The following SYN3 variants were observed in gnomAD, a reference collection of about 807,000 sequenced individuals.
SYN3 encodes the protein synapsin III, also known as synapsin-3.
In SYN3, 35 loss-of-function variants were observed where a neutral mutation model predicts 65.8. The ratio of observed to expected loss-of-function variants is 0.53; its 90% CI spans 0.41 to 0.70. SYN3 has a LOEUF of 0.70. SYN3 is among the 30% of genes least tolerant of loss of function. The probability of loss-of-function intolerance (pLI) is 0.00; values close to 1 mark genes in which losing one functional copy is unlikely to be tolerated. For synonymous variants in SYN3, 270 were observed against 292.9 expected (o/e 0.92, Z 0.80); for missense variants, 680 against 749.0 (o/e 0.91, Z 1.08).
At chr22:32,630,377 AC>A (rs1174500998) in intron 6 of SYN3, among the ~76,000 whole-genome samples, 7 of 152,170 alleles carry the variant, frequency 4.6e-5, no homozygotes, top group African/African-American at 1.4e-4. Context: ...CTGAGGCTAC[AC>A]GTATGTCCCA....
chr22:32,568,507 G>A (rs894294702), intron 7 of SYN3, among the ~76,000 whole-genome samples: 8 of 152,190 alleles, frequency 5.3e-5, no homozygotes, highest in Non-Finnish European at 7.3e-5. Context: ...GGACAGAAAC[G>A]TATTTCTTAC....
At chr22:32,769,870 C>T (rs942352841) in intron 6 of SYN3, among the ~76,000 whole-genome samples, 1 of 152,168 alleles carries the variant, frequency 6.6e-6, no homozygotes, top group Non-Finnish European at 1.5e-5. Flanking sequence ...TCTCTCTCCA[C>T]ACTCCCTCCC....
chr22:32,557,014 C>T (rs995406282), intron 7 of SYN3, among the ~76,000 whole-genome samples: 1 of 151,990 alleles, frequency 6.6e-6, no homozygotes, highest in Non-Finnish European at 1.5e-5. Context: ...AAGGATATCA[C>T]ACTTTTTAAG....
At chr22:32,821,122 G>A (rs960413731) in intron 6 of SYN3, among the ~76,000 whole-genome samples, 2 of 152,130 alleles carry the variant, frequency 1.3e-5, no homozygotes, top group African/African-American at 4.8e-5. Context: ...AGACAGTGGA[G>A]GATGTCAAAA....
At chr22:32,782,267 C>T (rs1411452334) in intron 6 of SYN3, among the ~76,000 whole-genome samples, 2 of 152,052 alleles carry the variant, frequency 1.3e-5, no homozygotes, top group Non-Finnish European at 2.9e-5. Flanking sequence ...GGGGTTTTAC[C>T]ATGTTGGTCA....
chr22:32,703,749 TC>T (rs2060842172), intron 6 of SYN3, among the ~76,000 whole-genome samples: 1 of 152,076 alleles, frequency 6.6e-6, no homozygotes, highest in African/African-American at 2.4e-5. Flanking sequence ...TTTCATAATG[TC>T]CTTAAATGCA....
At chr22:32,597,952 T>C (rs1464921492) in intron 6 of SYN3, among the ~76,000 whole-genome samples, 1 of 152,226 alleles carries the variant, frequency 6.6e-6, no homozygotes, top group African/African-American at 2.4e-5. Flanking sequence ...AGGCCTGAGC[T>C]TTGCTTTCCC....
chr22:32,949,644 G>C (rs1375683574), intron 3 of SYN3, among the ~76,000 whole-genome samples: 1 of 152,142 alleles, frequency 6.6e-6, no homozygotes, highest in African/African-American at 2.4e-5. Context: ...ACTGGCACCT[G>C]ACAAGAAGGT....
intron 6 of SYN3, among the ~76,000 whole-genome samples, chr22:32,720,517 C>T (rs1007818392): frequency 6.6e-6 from 1 of 152,222 alleles, no homozygotes; most frequent in Non-Finnish European, 1.5e-5. Flanking sequence ...CTCAGCCTGC[C>T]TTGCCCCGAA....
chr22:32,855,914 G>A (rs1352320488), intron 6 of SYN3, among the ~76,000 whole-genome samples: 1 of 152,184 alleles, frequency 6.6e-6, no homozygotes, highest in African/African-American at 2.4e-5. Context: ...GTATTTAACA[G>A]TTAAAACTCT....
chr22:32,547,018 G>T (rs555435869), intron 7 of SYN3, among the ~76,000 whole-genome samples: 3 of 151,578 alleles, frequency 2.0e-5, no homozygotes, highest in Non-Finnish European at 4.4e-5. Context: ...TCTCTCTGTC[G>T]CCTAAGCTGG....
At chr22:32,561,034 C>G (rs1370735402) in intron 7 of SYN3, among the ~76,000 whole-genome samples, 1 of 152,178 alleles carries the variant, frequency 6.6e-6, no homozygotes, top group Non-Finnish European at 1.5e-5. Context: ...TTCCCCTCCT[C>G]AGCCCACCCA....
intron 6 of SYN3, among the ~76,000 whole-genome samples, chr22:32,672,722 C>T (rs1473139825): frequency 2.0e-5 from 3 of 152,218 alleles, no homozygotes; most frequent in African/African-American, 7.2e-5. Flanking sequence ...TTTCTCCCTG[C>T]AGCCTGTGAG....
intron 3 of SYN3, among the ~76,000 whole-genome samples, chr22:32,951,283 C>T (rs1338469248): frequency 6.6e-6 from 1 of 152,086 alleles, no homozygotes; most frequent in Non-Finnish European, 1.5e-5. Flanking sequence ...AAAGGGCTTC[C>T]CTGAGCCAGC....
chr22:32,567,261 C>T (rs1468886498), intron 7 of SYN3, among the ~76,000 whole-genome samples: 6 of 151,940 alleles, frequency 3.9e-5, no homozygotes, highest in Admixed American at 1.3e-4. Context: ...GAAGGCCCAT[C>T]GGTGGATTGA....
At chr22:32,881,994 G>A (rs1757403876) in intron 4 of SYN3, among the ~76,000 whole-genome samples, 1 of 151,648 alleles carries the variant, frequency 6.6e-6, no homozygotes, top group Admixed American at 6.6e-5. Flanking sequence ...GGCAGAGGCT[G>A]CAGTGAGCCG....
At chr22:32,866,460 G>A (rs949685114) in intron 5 of SYN3, among the ~76,000 whole-genome samples, 12 of 152,158 alleles carry the variant, frequency 7.9e-5, no homozygotes, top group African/African-American at 2.4e-4. Context: ...GAGTGATTCC[G>A]CAGGTAAGCA....
At chr22:32,565,798 G>A (rs1037464130) in intron 7 of SYN3, among the ~76,000 whole-genome samples, 24 of 151,772 alleles carry the variant, frequency 1.6e-4, no homozygotes, top group African/African-American at 5.8e-4. Flanking sequence ...TGCAAGCTCC[G>A]CCTCCCAGGT....
chr22:32,603,925 C>T (rs766415259), intron 6 of SYN3, among the ~76,000 whole-genome samples: 6 of 152,228 alleles, frequency 3.9e-5, no homozygotes, highest in African/African-American at 7.2e-5. Context: ...TTTTGGAAAA[C>T]AGAGATCCCC....
Sources: allele counts gnomAD v4.1 joint callset (sites outside exome capture counted in the v4.1 genomes callset), GRCh38; gene constraint gnomAD v4.1.1; transcripts MANE v1.5; gene names NCBI Gene and HGNC (gene_info 2026-07-23, HGNC 2026-07-21).